Variants in POM121 observed in about 807,000 individuals in gnomAD.
POM121 encodes POM121 transmembrane nucleoporin.
In POM121, 32 loss-of-function variants were observed where a neutral mutation model predicts 81.3. The ratio of observed to expected loss-of-function variants is 0.39; its 90% confidence interval spans 0.30 to 0.53. The LOEUF (loss-of-function observed/expected upper bound fraction) is 0.53, where lower values mean the gene tolerates loss of function less well. Ranked by LOEUF, POM121 falls within the 20% of genes least tolerant of loss-of-function variation. The pLI is 0.66. For synonymous variants in POM121, 514 were observed against 694.2 expected (o/e 0.74, Z 4.08); for missense variants, 1,138 against 1,614.6 (o/e 0.70, Z 5.06).
In POM121 at chr7:72,927,228, T is replaced by C. The variant is rs149871424; in HGVS notation, c.1022+265T>C. The stretch of plus-strand genomic sequence containing the variant: ...TATTAGCCACGCTACCCTCATACTT[T>C]TGTAGAAATGTGTTAAAGTTTATTT... On this transcript the variant is annotated intron_variant, in intron 3 of 12. Transcript: ENST00000434423. Among the ~76,000 whole-genome samples, 623 of 152,318 alleles carry C rather than the reference T, an allele frequency of 4.1e-3. 2 individuals are homozygous for C. Among genetic ancestry groups the C allele is most frequent in the South Asian group, 0.011 (51 of 4,828 alleles).
intron 5 of POM121, 31 bp from the exon 6 acceptor site, chr7:72,938,559 C>T (rs1554499968): frequency 2.5e-6 from 4 of 1,601,778 alleles, no homozygotes; most frequent in South Asian, 1.1e-5. Context: ...AAGTTATCAG[C>T]AGGCTCAGTC....
intron 3 of POM121, among the ~76,000 whole-genome samples, chr7:72,903,431 C>T (rs1385953426): frequency 3.3e-5 from 5 of 152,156 alleles, no homozygotes; most frequent in African/African-American, 7.2e-5. Flanking sequence ...AGCGAAGACT[C>T]CGTCTCAAAA....
rs1338312827 is a variant in POM121 at position 72,883,206 on chromosome 7, AT to A, written c.-521+3329del. Among the ~76,000 whole-genome samples the A allele has an allele frequency of 2.0e-5, 3 of 151,968 alleles. No individual in the cohort carries two copies. In the East Asian group the frequency reaches 5.8e-4, roughly 29 times the overall value. On this transcript the variant is annotated intron_variant, in intron 1 of 15. Coordinates refer to the POM121 transcript ENST00000395270. ...AGGTGCATGCTGCCACACCTCGCTAATTTTTTTTGTATTTTAGTAGAGACTG... is the reference window on the plus strand; with the variant it reads ...AGGTGCATGCTGCCACACCTCGCTAATTTTTTTGTATTTTAGTAGAGACTG...
chr7:72,900,992 T>TC (rs1443914996), intron 3 of POM121, among the ~76,000 whole-genome samples: 2 of 149,410 alleles, frequency 1.3e-5, no homozygotes, highest in Admixed American at 6.8e-5. Flanking sequence ...AATTTGGCGT[T>TC]TTTTTTTTTA....
intron 8 of POM121, 49 bp downstream of exon 8, chr7:72,940,017 A>T (rs781968803): frequency 6.3e-7 from 1 of 1,586,738 alleles, no homozygotes; most frequent in Non-Finnish European, 8.6e-7. Context: ...AGCTCTCCTA[A>T]GTATTAGGAA....
chr7:72,924,907 T>G, upstream of POM121: 1 of 759,422 alleles, frequency 1.3e-6, no homozygotes, highest in Non-Finnish European at 1.9e-6. Flanking sequence ...CGCCTCCGGA[T>G]GGATGTGGCG....
chr7:72,925,813 GA>G, intron 1 of POM121, 48 bp downstream of exon 1: 1 of 1,313,138 alleles, frequency 7.6e-7, no homozygotes, highest in Non-Finnish European at 9.7e-7. Flanking sequence ...CGGCTGGCTT[GA>G]AATCGAGGAC....
upstream of POM121, among the ~76,000 whole-genome samples, chr7:72,922,973 G>A (rs1406965076): frequency 1.3e-5 from 2 of 151,912 alleles, no homozygotes; most frequent in Admixed American, 6.6e-5. Context: ...TGTTACCCAG[G>A]TTTCTTGAGT....
intron 3 of POM121, among the ~76,000 whole-genome samples, chr7:72,892,695 C>T (rs1363058830): frequency 2.0e-5 from 3 of 150,174 alleles, no homozygotes; most frequent in South Asian, 2.2e-4. Flanking sequence ...GATAGTGTCT[C>T]GCTCTTGTCG....
chr7:72,946,597 G>T lies in POM121; in HGVS notation c.*363G>T. The T allele has an allele frequency of 9.7e-7, 1 of 1,034,862 alleles. No homozygotes were observed. The highest frequency in any genetic ancestry group is 1.2e-6 in the Non-Finnish European group (1 of 861,896). 64.1% of individuals were successfully genotyped at this position (1,034,862 alleles called of 1,614,324 possible). A position where few individuals can be genotyped will look rare whatever the true frequency, so the allele number is the denominator to read the frequency against. ...TTCCCCGAGACCGTCGTCGCTGGAG[G>T]GGGCAGGGTCCAGCCCGCCTGGATC... On this transcript the variant is annotated 3_prime_UTR_variant, in exon 13 of 13. Coordinates refer to ENST00000434423, the MANE Select transcript of POM121 (RefSeq NM_001387691.1).
intron 3 of POM121, among the ~76,000 whole-genome samples, chr7:72,901,028 C>T (rs1554492580): frequency 6.6e-6 from 1 of 151,360 alleles, no homozygotes; most frequent in Non-Finnish European, 1.5e-5. Context: ...CTTTATTGCC[C>T]AGGTCAGACT....
At chr7:72,927,225 C>T (rs1317516022) in intron 3 of POM121, among the ~76,000 whole-genome samples, 1 of 152,202 alleles carries the variant, frequency 6.6e-6, no homozygotes, top group Non-Finnish European at 1.5e-5. Flanking sequence ...TACCCTCATA[C>T]TTTTGTAGAA....
At chr7:72,902,868 A>G (rs1374156350) in intron 3 of POM121, among the ~76,000 whole-genome samples, 2 of 152,140 alleles carry the variant, frequency 1.3e-5, no homozygotes, top group African/African-American at 4.8e-5. Flanking sequence ...GATGTTCTGC[A>G]TTTTGTTGAG....
At chr7:72,907,401 G>A (rs1357535417) in intron 3 of POM121, among the ~76,000 whole-genome samples, 1 of 151,836 alleles carries the variant, frequency 6.6e-6, no homozygotes, top group African/African-American at 2.4e-5. Flanking sequence ...TTAAACTCAA[G>A]AAATTATATT....
chr7:72,938,237 T>C (rs1796709443), intron 5 of POM121, among the ~76,000 whole-genome samples: 1 of 151,844 alleles, frequency 6.6e-6, no homozygotes, highest in Non-Finnish European at 1.5e-5. Flanking sequence ...TTTTCTTTTT[T>C]TTTTTTTGAG....
At chr7:72,937,169 C>T (rs1330314734) in intron 5 of POM121, among the ~76,000 whole-genome samples, 2 of 151,622 alleles carry the variant, frequency 1.3e-5, no homozygotes, top group South Asian at 2.1e-4. Flanking sequence ...GCAGGAGAAT[C>T]GCTTGAACCA....
At chr7:72,939,251 T>C (rs1796825683) in intron 6 of POM121, 85 bp from the exon 7 acceptor site, 1 of 1,534,516 alleles carries the variant, frequency 6.5e-7, no homozygotes, top group Non-Finnish European at 8.8e-7. Flanking sequence ...CATTGGCCAC[T>C]TGGTAGTTAG....
intron 3 of POM121, among the ~76,000 whole-genome samples, chr7:72,927,204 A>C (rs782245564): frequency 6.6e-6 from 1 of 152,234 alleles, no homozygotes; most frequent in Non-Finnish European, 1.5e-5. Flanking sequence ...GCTGACTGCT[A>C]TTAGCCACGC....
chr7:72,888,134 G>C (rs1554490341), intron 1 of POM121, among the ~76,000 whole-genome samples: 1 of 152,094 alleles, frequency 6.6e-6, no homozygotes, highest in South Asian at 2.1e-4. Flanking sequence ...AGAGTGCTGG[G>C]ATTACAGGCA....
Sources: gnomAD v4.1 joint callset for allele counts (sites outside exome capture counted in the v4.1 genomes callset) on GRCh38, gnomAD v4.1.1 for gene constraint, MANE v1.5 for transcripts, NCBI Gene and HGNC (gene_info 2026-07-23, HGNC 2026-07-21) for gene names.